The following KCNK2 variants were observed in gnomAD, a reference collection of about 807,000 sequenced individuals.
The protein encoded by KCNK2 is potassium channel subfamily K member 2.
Under a neutral mutation model 40.5 loss-of-function variants are expected in KCNK2, and 21 were observed. The ratio of observed to expected loss-of-function variants is 0.52; its 90% CI spans 0.37 to 0.75. The LOEUF is 0.75. Among genes scored for constraint, KCNK2 ranks in the 30% least tolerant of loss-of-function variants. The pLI is 0.00. For missense variants in KCNK2, 399 were observed against 531.6 expected, an observed-to-expected ratio of 0.75 and a Z score of 2.45; for synonymous variants, 191 against 202.2, an observed-to-expected ratio of 0.94 and a Z score of 0.47.
At chr1:215,083,462 T>A in intron 1 of KCNK2, 31 bp downstream of exon 1, 1 of 1,503,310 alleles carries the variant, frequency 6.7e-7, no homozygotes, top group Non-Finnish European at 9.3e-7. Flanking sequence ...CCCCCACCCC[T>A]CTGGCCGCAC....
intron 2 of KCNK2, among the ~76,000 whole-genome samples, chr1:215,108,288 A>G (rs995090835): frequency 5.9e-5 from 9 of 152,094 alleles, no homozygotes; most frequent in Non-Finnish European, 8.8e-5. Flanking sequence ...TAATCTAGAG[A>G]TGATTTAATG....
At position 215,086,546 on chromosome 1, in the gene KCNK2, C is replaced by G. The variant is rs767703037; in HGVS notation, c.225C>G (p.Ile75Met). The G allele has an allele frequency of 6.2e-7, 1 of 1,614,140 alleles. No individual in the cohort carries two copies. Among genetic ancestry groups the G allele is most frequent in the South Asian group, 1.1e-5 (1 of 91,082 alleles). Residue 75 changes from isoleucine (I) to methionine (M), a missense_variant, in exon 2 of 7, where the codon ATC becomes ATG. By Grantham distance (10) the Ile-to-Met change is conservative. Transcript: ENST00000444842. ...IFLVVVLYLIIGATVFKALEQ... is the reference protein window; with the variant it reads ...IFLVVVLYLIMGATVFKALEQ... Reference sequence around the variant, plus strand: ...TGGTGGTTGTCCTCTATCTGATCATCGGAGCCACCGTGTTCAAAGCATTGG... The same window carrying G: ...TGGTGGTTGTCCTCTATCTGATCATGGGAGCCACCGTGTTCAAAGCATTGG...
chr1:215,080,350 G>A (rs1659105862), upstream of KCNK2, among the ~76,000 whole-genome samples: 1 of 152,020 alleles, frequency 6.6e-6, no homozygotes, highest in Non-Finnish European at 1.5e-5. Context: ...AACAAAATGG[G>A]AAAAATGAAA....
chr1:215,028,625 A>G (rs1423326130), intron 1 of KCNK2, among the ~76,000 whole-genome samples: 3 of 152,156 alleles, frequency 2.0e-5, no homozygotes, highest in Non-Finnish European at 4.4e-5. Context: ...TTTAAAAGCT[A>G]TGCATATTTC....
chr1:215,017,889 T>C (rs1186181036), intron 1 of KCNK2, among the ~76,000 whole-genome samples: 1 of 152,100 alleles, frequency 6.6e-6, no homozygotes, highest in African/African-American at 2.4e-5. Context: ...AGACACAACA[T>C]GAAATGCCAA....
At chr1:215,008,412 T>C (rs534441717) in intron 1 of KCNK2, among the ~76,000 whole-genome samples, 265 of 152,194 alleles carry the variant, frequency 1.7e-3, no homozygotes, top group Non-Finnish European at 3.0e-3. Context: ...GAAATGTAGA[T>C]GATGAGGCTC....
At chr1:215,070,303 C>G (rs944041896) in intron 1 of KCNK2, among the ~76,000 whole-genome samples, 2 of 150,554 alleles carry the variant, frequency 1.3e-5, no homozygotes, top group African/African-American at 2.4e-5. Context: ...GTAGTCCCAG[C>G]TACTTGGGAG....
chr1:215,016,943 A>C (rs1265542242), intron 1 of KCNK2, among the ~76,000 whole-genome samples: 1 of 152,224 alleles, frequency 6.6e-6, no homozygotes, highest in Non-Finnish European at 1.5e-5. Flanking sequence ...AAAGGACCTG[A>C]GTAGACATTT....
At chr1:215,160,314 T>G (rs941564141) in intron 3 of KCNK2, among the ~76,000 whole-genome samples, 1 of 152,156 alleles carries the variant, frequency 6.6e-6, no homozygotes, top group Non-Finnish European at 1.5e-5. Context: ...AAGAAATGTC[T>G]GGATGTGGAG....
At chr1:215,030,159 G>A (rs1348967317) in intron 1 of KCNK2, among the ~76,000 whole-genome samples, 1 of 152,164 alleles carries the variant, frequency 6.6e-6, no homozygotes, top group Non-Finnish European at 1.5e-5. Context: ...GACATGTAAT[G>A]TGAAGCATCT....
chr1:215,176,163 G>T (rs11120516), intron 5 of KCNK2, among the ~76,000 whole-genome samples: 94,131 of 151,894 alleles, frequency 0.62, 30,995 homozygotes, highest in Non-Finnish European at 0.74. Context: ...ATTATTATTT[G>T]TTGACTTTTT....
At chr1:215,056,873 A>G (rs535648665) in intron 1 of KCNK2, among the ~76,000 whole-genome samples, 5 of 152,318 alleles carry the variant, frequency 3.3e-5, no homozygotes, top group African/African-American at 1.2e-4. Flanking sequence ...TGCTTTATAG[A>G]TAGAATAGGA....
At chr1:215,189,350 T>G (rs1164207618) in intron 5 of KCNK2, among the ~76,000 whole-genome samples, 1 of 152,204 alleles carries the variant, frequency 6.6e-6, no homozygotes, top group African/African-American at 2.4e-5. Context: ...TTGTACTACA[T>G]TCCGTGAAAA....
intron 1 of KCNK2, among the ~76,000 whole-genome samples, chr1:215,072,713 T>C (rs536733231): frequency 6.6e-6 from 1 of 152,318 alleles, no homozygotes; most frequent in Non-Finnish European, 1.5e-5. Context: ...TACAGCATCC[T>C]TACAATATAC....
At chr1:215,021,756 G>A (rs962124771) in intron 1 of KCNK2, among the ~76,000 whole-genome samples, 1 of 151,948 alleles carries the variant, frequency 6.6e-6, no homozygotes, top group South Asian at 2.1e-4. Flanking sequence ...CACCGTGTTA[G>A]CAAGGATGGT....
At chr1:215,213,520 A>C (rs1665830894) in intron 6 of KCNK2, among the ~76,000 whole-genome samples, 1 of 152,202 alleles carries the variant, frequency 6.6e-6, no homozygotes, top group South Asian at 2.1e-4. Flanking sequence ...CTGAGACAGG[A>C]GAATCGCTTG....
At chr1:215,197,956 G>A (rs1178692544) in intron 6 of KCNK2, among the ~76,000 whole-genome samples, 5 of 152,130 alleles carry the variant, frequency 3.3e-5, no homozygotes, top group South Asian at 2.1e-4. Context: ...CAGAGATGGC[G>A]CTACTGTACT....
At chr1:215,216,889 A>G (rs1328627354) in intron 6 of KCNK2, among the ~76,000 whole-genome samples, 2 of 152,178 alleles carry the variant, frequency 1.3e-5, no homozygotes, top group Non-Finnish European at 2.9e-5. Context: ...ACAGCTATAG[A>G]CTAAGATCAG....
intron 5 of KCNK2, among the ~76,000 whole-genome samples, chr1:215,190,467 A>C (rs748460642): frequency 6.6e-6 from 1 of 152,212 alleles, no homozygotes; most frequent in Non-Finnish European, 1.5e-5. Flanking sequence ...GGTTCAATGA[A>C]GGAGCCTGTG....
Sources: gnomAD v4.1 joint callset for allele counts (sites outside exome capture counted in the v4.1 genomes callset) on GRCh38, gnomAD v4.1.1 for gene constraint, MANE v1.5 for transcripts, NCBI Gene and HGNC (gene_info 2026-07-23, HGNC 2026-07-21) for gene names.